The following ENKUR variants were observed in gnomAD, a reference collection of about 807,000 sequenced individuals.
ENKUR encodes the protein enkurin.
Under a neutral mutation model 27.6 loss-of-function variants are expected in ENKUR, and 19 were observed. That is an observed-to-expected ratio of 0.69 (90% CI 0.48 to 1.01). ENKUR has a LOEUF of 1.01. Ranked by LOEUF, ENKUR falls within the 50% of genes least tolerant of loss-of-function variation. The pLI is 0.00. For synonymous variants in ENKUR, 117 were observed against 96.9 expected (o/e 1.21, Z -1.22); for missense variants, 312 against 310.5 (o/e 1.00, Z -0.04).
At chr10:24,989,585 C>T (rs150651555) in intron 4 of ENKUR, among the ~76,000 whole-genome samples, 2 of 152,276 alleles carry the variant, frequency 1.3e-5, no homozygotes, top group East Asian at 3.9e-4. Flanking sequence ...TACTCCACTG[C>T]AGATATTTTA....
chr10:25,020,354 A>G (rs1452304743), upstream of ENKUR, among the ~76,000 whole-genome samples: 1 of 152,100 alleles, frequency 6.6e-6, no homozygotes. Context: ...GAACTAACAT[A>G]TAGGAAAAGT....
At chr10:25,060,707 A>G (rs1219590091) in intron 2 of ENKUR, among the ~76,000 whole-genome samples, 1 of 151,762 alleles carries the variant, frequency 6.6e-6, no homozygotes, top group Admixed American at 6.6e-5. Flanking sequence ...TGTAAAACCC[A>G]CGTGTTTTTG....
intron 2 of ENKUR, among the ~76,000 whole-genome samples, chr10:25,051,679 A>G (rs575080987): frequency 6.6e-6 from 1 of 152,352 alleles, no homozygotes; most frequent in South Asian, 2.1e-4. Context: ...TACCTCTCAC[A>G]AGGCTCCGCC....
chr10:25,031,631 T>G (rs1850936166), intron 2 of ENKUR, among the ~76,000 whole-genome samples: 1 of 152,206 alleles, frequency 6.6e-6, no homozygotes, highest in Non-Finnish European at 1.5e-5. Flanking sequence ...TTCTTTTTCT[T>G]TCTTTGAATT....
chr10:25,042,215 G>A (rs996308599), intron 2 of ENKUR, among the ~76,000 whole-genome samples: 8 of 149,654 alleles, frequency 5.3e-5, no homozygotes, highest in African/African-American at 2.0e-4. Flanking sequence ...AAGAGAGAAA[G>A]ATTAAAGCTA....
intron 2 of ENKUR, among the ~76,000 whole-genome samples, chr10:25,044,990 G>T (rs1851106647): frequency 6.6e-6 from 1 of 152,160 alleles, no homozygotes; most frequent in African/African-American, 2.4e-5. Context: ...CAAAGTAGCT[G>T]CTTTTCACTT....
At chr10:25,017,539 T>A (rs1431461137), upstream of ENKUR, among the ~76,000 whole-genome samples, 2 of 152,152 alleles carry the variant, frequency 1.3e-5, no homozygotes, top group African/African-American at 4.8e-5. Flanking sequence ...TTAGTTCCTG[T>A]ATAAAAAGGC....
intron 1 of ENKUR, among the ~76,000 whole-genome samples, chr10:25,000,677 C>G (rs1339049488): frequency 2.0e-5 from 3 of 152,058 alleles, no homozygotes; most frequent in African/African-American, 7.2e-5. Context: ...CATTCTTGGA[C>G]TTTCTACTTG....
rs147725304 is a variant in ENKUR at position 25,021,418 on chromosome 10, C to T, written c.38-25549G>A. ...AGCTTTAGTCTGCTGACTTTTTCCC[C>T]TCTGATCATTATACAGCCAAATCAT... On this transcript the variant is annotated intron_variant, in intron 2 of 5. Coordinates refer to the ENKUR transcript ENST00000615958. 9.3e-3 allele frequency among the ~76,000 whole-genome samples: 1,412 copies of T among 152,256 alleles called. 12 individuals are homozygous for T. The highest frequency in any genetic ancestry group is 0.021 in the South Asian group (102 of 4,828).
chr10:25,013,757 C>A lies in ENKUR; in HGVS notation c.77+2103G>T, dbSNP rs574072810. Among the ~76,000 whole-genome samples, 12 of 151,998 alleles carry A rather than the reference C, an allele frequency of 7.9e-5. No individual in the cohort carries two copies. In the South Asian group the frequency reaches 1.2e-3, roughly 16 times the overall value. ...CAGGAGGTCAAGACCAGCCTGGCCA[C>A]CATGGTGAAACCCCATCCCTACTAA... On this transcript the variant is annotated intron_variant, in intron 1 of 5. Transcript: ENST00000331161.
chr10:24,996,336 T>G lies in ENKUR; in HGVS notation c.224-467A>C, dbSNP rs143123722. ...ACTCAGGAGGCTGAGGTGGGAGGAT[T>G]GCTTCAGCCTGGGAGGCGGAGGTTG... On this transcript the variant is annotated intron_variant, in intron 2 of 5. Transcript: ENST00000331161. Among the ~76,000 whole-genome samples the G allele has an allele frequency of 5.9e-5, 9 of 152,206 alleles. No homozygotes were observed. The East Asian group carries it at 1.7e-3, about 29-fold the overall frequency.
rs944458549 is a variant in ENKUR at position 25,023,266 on chromosome 10, CAG to C, written c.38-27399_38-27398del. ...ATGTCATCATCTGAAAAAGATAACACAGAAATGTTTTTCTAGTATACATGTTA... is the reference window on the plus strand; with the variant it reads ...ATGTCATCATCTGAAAAAGATAACACAAATGTTTTTCTAGTATACATGTTA... On this transcript the variant is annotated intron_variant, in intron 2 of 5. Transcript: ENST00000615958. 1.9e-6 allele frequency: 3 copies of C among 1,613,624 alleles called. No individual in the cohort carries two copies. The African/African-American group carries it at 4.0e-5, about 22-fold the overall frequency.
chr10:25,023,850 A>C (rs1473897015), intron 2 of ENKUR: 1 of 1,614,112 alleles, frequency 6.2e-7, no homozygotes, highest in East Asian at 2.2e-5. Context: ...GGGCTTCCCC[A>C]GAGGAGGTAG....
chr10:25,014,687 G>T (rs754791413), intron 1 of ENKUR, among the ~76,000 whole-genome samples: 1 of 152,160 alleles, frequency 6.6e-6, no homozygotes, highest in Non-Finnish European at 1.5e-5. Flanking sequence ...GAAACCAAAA[G>T]TTGGTGCAAC....
chr10:24,984,357 T>G lies in ENKUR; in HGVS notation c.*13A>C. On this transcript the variant is annotated 3_prime_UTR_variant, in exon 6 of 6. Transcript: ENST00000331161. ...CAAAATACTTAACAGTTTTCAAAGT[T>G]GTGCTGTTGGTATCATGCGCTGCAG... 2 of 1,594,010 alleles carry G rather than the reference T, an allele frequency of 1.3e-6. No homozygotes were observed. The highest frequency in any genetic ancestry group is 1.7e-6 in the Non-Finnish European group (2 of 1,172,790).
chr10:24,990,295 T>C (rs1849896658), intron 4 of ENKUR, among the ~76,000 whole-genome samples, 168 bp downstream of exon 4: 1 of 152,246 alleles, frequency 6.6e-6, no homozygotes, highest in Non-Finnish European at 1.5e-5. Context: ...AACTTTTTGC[T>C]CTCTCCAAAG....
At chr10:25,033,859 CT>C (rs1481420875) in intron 2 of ENKUR, among the ~76,000 whole-genome samples, 37 of 139,288 alleles carry the variant, frequency 2.7e-4, no homozygotes, top group African/African-American at 9.3e-4. Flanking sequence ...ATCTATCTAT[CT>C]ATCTATCAAT....
At chr10:25,000,364 T>C (rs925581835) in intron 1 of ENKUR, among the ~76,000 whole-genome samples, 1 of 152,172 alleles carries the variant, frequency 6.6e-6, no homozygotes, top group African/African-American at 2.4e-5. Context: ...AAATGTTCTG[T>C]ATCCTTCCTG....
intron 2 of ENKUR, among the ~76,000 whole-genome samples, chr10:25,057,693 A>G (rs1483764387): frequency 6.6e-6 from 1 of 152,144 alleles, no homozygotes; most frequent in Non-Finnish European, 1.5e-5. Flanking sequence ...AAGCACATAC[A>G]GAAAAGGGCA....
Sources: allele counts gnomAD v4.1 joint callset (sites outside exome capture counted in the v4.1 genomes callset), GRCh38; gene constraint gnomAD v4.1.1; transcripts MANE v1.5; gene names NCBI Gene and HGNC (gene_info 2026-07-23, HGNC 2026-07-21).